COL4A4: variants seen among roughly 807,000 people sequenced by gnomAD.
COL4A4 encodes the protein collagen alpha-4(IV) chain.
COL4A4 carries 105 observed loss-of-function variants against 192.9 expected under a neutral mutation model. That is an observed-to-expected ratio of 0.54 (90% CI 0.46 to 0.64). The LOEUF is 0.64. Ranked by LOEUF, COL4A4 falls within the 30% of genes least tolerant of loss-of-function variation. The pLI is 0.00. For synonymous variants in COL4A4, 762 were observed against 769.9 expected (o/e 0.99, Z 0.17); for missense variants, 1,967 against 2,169.3 (o/e 0.91, Z 1.85).
At chr2:226,987,271 A>T in the COL4A4 span, among the ~76,000 whole-genome samples, 1,862 of 152,198 alleles carry the variant, frequency 0.012, 28 homozygotes, top group Non-Finnish European at 0.016. Flanking sequence ...GCAGCAAACC[A>T]CCATGGCACA....
In COL4A4 at chr2:227,142,928, C is replaced by T. The variant is rs1277378278; in HGVS notation, c.114+1588G>A. On this transcript the variant is annotated intron_variant, in intron 3 of 47. Coordinates refer to ENST00000396625, the MANE Select transcript of COL4A4 (RefSeq NM_000092.5). Reference sequence around the variant, plus strand: ...CTCTTTCAACACTGGCCCCAAGTTCCCTCCTATACAGGATAATTTTTTTCA... The same window carrying T: ...CTCTTTCAACACTGGCCCCAAGTTCTCTCCTATACAGGATAATTTTTTTCA... 5.3e-5 allele frequency among the ~76,000 whole-genome samples: 8 copies of T among 152,110 alleles called. No homozygotes were observed. The South Asian group carries it at 1.7e-3, about 32-fold the overall frequency.
intron 44 of COL4A4, among the ~76,000 whole-genome samples, chr2:227,016,267 G>A (rs1171217026): frequency 2.6e-5 from 4 of 152,106 alleles, no homozygotes; most frequent in South Asian, 2.1e-4. Context: ...TTGAGAAACC[G>A]CTCCACACAG....
At chr2:227,029,825 G>A (rs147173075) in intron 41 of COL4A4, among the ~76,000 whole-genome samples, 9 of 152,072 alleles carry the variant, frequency 5.9e-5, no homozygotes, top group East Asian at 1.9e-4. Context: ...TCAGTGATTC[G>A]GGATCTTTGC....
chr2:227,135,783 C>T (rs1258325971), intron 4 of COL4A4, among the ~76,000 whole-genome samples: 1 of 152,142 alleles, frequency 6.6e-6, no homozygotes, highest in East Asian at 1.9e-4. Flanking sequence ...GCTGGGATTA[C>T]AGGCGCCCGC....
At chr2:227,131,743 T>C (rs2062483934) in intron 4 of COL4A4, among the ~76,000 whole-genome samples, 1 of 152,204 alleles carries the variant, frequency 6.6e-6, no homozygotes, top group African/African-American at 2.4e-5. Flanking sequence ...CTGGGTGATT[T>C]AGGTGGGCCC....
chr2:226,994,243 G>A, the COL4A4 span, among the ~76,000 whole-genome samples: 11 of 152,206 alleles, frequency 7.2e-5, no homozygotes, highest in Non-Finnish European at 2.9e-5. Flanking sequence ...TGTGTGTTCA[G>A]AACTGTCCCA....
chr2:227,060,110 A>ACAAAAC, intron 27 of COL4A4, 26 bp downstream of exon 27: 1 of 1,154,410 alleles, frequency 8.7e-7, no homozygotes, highest in African/African-American at 1.6e-5. Flanking sequence ...AGAAAAAAAA[A>ACAAAAC]AAAAAAAAAA....
chr2:227,110,166 T>C (rs1559648860), intron 9 of COL4A4, among the ~76,000 whole-genome samples: 1 of 152,092 alleles, frequency 6.6e-6, no homozygotes, highest in Non-Finnish European at 1.5e-5. Flanking sequence ...AGCCTGGAAG[T>C]GTGGAGAGAT....
Position 227,030,671 on chromosome 2 carries a change from C to A in COL4A4, c.3818-73G>T. ...GTGTATACTGGCTGCTTGACAGCTTCCGAAGAAAAACAATTCAATGACTTG... is the reference window on the plus strand; with the variant it reads ...GTGTATACTGGCTGCTTGACAGCTTACGAAGAAAAACAATTCAATGACTTG... On this transcript the variant is annotated intron_variant, in intron 40 of 47. Transcript: ENST00000396625. The A allele has an allele frequency of 3.2e-6, 4 of 1,252,974 alleles. No homozygotes were observed. The South Asian group carries it at 4.9e-5, about 15-fold the overall frequency. The allele number at this position is 1,252,974 out of a possible 1,614,324, so 77.6% of individuals were successfully genotyped here.
the COL4A4 span, among the ~76,000 whole-genome samples, chr2:226,985,615 G>A: frequency 6.6e-6 from 1 of 152,272 alleles, no homozygotes; most frequent in Non-Finnish European, 1.5e-5. Context: ...CTCAAAGGCT[G>A]ATGTACATCG....
chr2:226,974,644 T>G, the COL4A4 span, among the ~76,000 whole-genome samples: 8 of 152,220 alleles, frequency 5.3e-5, no homozygotes, highest in Admixed American at 1.3e-4. Flanking sequence ...TACATTCTTC[T>G]GGTTTGGTTC....
chr2:226,981,822 G>C, the COL4A4 span, among the ~76,000 whole-genome samples: 2 of 152,304 alleles, frequency 1.3e-5, no homozygotes, highest in East Asian at 1.9e-4. Context: ...GAATTTCTCA[G>C]CTCTGGGGTG....
intron 35 of COL4A4, among the ~76,000 whole-genome samples, chr2:227,043,787 G>T (rs1412888210): frequency 3.9e-5 from 6 of 152,138 alleles, no homozygotes; most frequent in Non-Finnish European, 8.8e-5. Context: ...ACTTCAGGAG[G>T]TAAGAAGTCT....
chr2:227,023,206 C>T (rs534974350), intron 43 of COL4A4, among the ~76,000 whole-genome samples: 14 of 151,622 alleles, frequency 9.2e-5, no homozygotes, highest in Admixed American at 2.6e-4. Flanking sequence ...TTTGGGAAGC[C>T]GAGGCGGGTG....
chr2:226,980,321 G>A, the COL4A4 span, among the ~76,000 whole-genome samples: 3 of 152,156 alleles, frequency 2.0e-5, no homozygotes, highest in Non-Finnish European at 4.4e-5. Flanking sequence ...TTCCCCACCA[G>A]AGCGAGGTAG....
rs116675308 is a variant in COL4A4, at chr2:227,152,894, A to T, written c.-101-5310T>A. 3.2e-3 allele frequency among the ~76,000 whole-genome samples: 491 copies of T among 152,300 alleles called. 2 individuals are homozygous for T. Among genetic ancestry groups the T allele is most frequent in the African/African-American group, 0.011 (468 of 41,566 alleles). Reference sequence around the variant, plus strand: ...GAGTCTATCACTATCACCAAAAAAAATTACTTGTATTTAGTCTGTTCTCAC... The same window carrying T: ...GAGTCTATCACTATCACCAAAAAAATTTACTTGTATTTAGTCTGTTCTCAC... On this transcript the variant is annotated intron_variant, in intron 1 of 47. Coordinates refer to ENST00000396625, the MANE Select transcript of COL4A4 (RefSeq NM_000092.5).
intron 1 of COL4A4, among the ~76,000 whole-genome samples, chr2:227,160,373 C>G (rs564243160): frequency 6.6e-6 from 1 of 152,184 alleles, no homozygotes; most frequent in African/African-American, 2.4e-5. Flanking sequence ...AGCATGATCA[C>G]GTGATCCACT....
At position 227,028,076 on chromosome 2, in the gene COL4A4, T is replaced by G. The variant is rs543685275; in HGVS notation, c.3974-67A>C. ...AGACAAGATAAAAACAATGACAGTT[T>G]GATAGACTGAATTCAGAGATTCACT... On this transcript the variant is annotated intron_variant, in intron 41 of 47. Coordinates refer to ENST00000396625, the MANE Select transcript of COL4A4 (RefSeq NM_000092.5). The G allele has an allele frequency of 1.1e-5, 12 of 1,101,436 alleles. No homozygotes were observed. In the South Asian group the frequency reaches 1.5e-4, roughly 14 times the overall value. 68.2% of individuals were successfully genotyped at this position (1,101,436 alleles called of 1,614,324 possible).
intron 4 of COL4A4, among the ~76,000 whole-genome samples, chr2:227,133,482 G>C (rs1331805343): frequency 2.6e-5 from 4 of 152,156 alleles, no homozygotes; most frequent in African/African-American, 9.7e-5. Flanking sequence ...TTCCCATGTA[G>C]ACATCAGCTG....
Sources: allele counts gnomAD v4.1 joint callset (sites outside exome capture counted in the v4.1 genomes callset), GRCh38; gene constraint gnomAD v4.1.1; transcripts MANE v1.5; gene names NCBI Gene and HGNC (gene_info 2026-07-23, HGNC 2026-07-21).